Variants in DLGAP2 observed in about 807,000 individuals in gnomAD.
DLGAP2 encodes the protein DLG associated protein 2.
DLGAP2 carries 26 observed loss-of-function variants against 100.3 expected under a neutral mutation model. That is an observed-to-expected ratio of 0.26 (90% CI 0.19 to 0.36). DLGAP2 has a LOEUF of 0.36. Among genes scored for constraint, DLGAP2 ranks in the 10% least tolerant of loss-of-function variants. The pLI is 1.00. For synonymous variants in DLGAP2, 886 were observed against 630.1 expected (o/e 1.41, Z -6.08); for missense variants, 1,858 against 1,453.2 (o/e 1.28, Z -4.53).
chr8:1,575,432 C>A (rs1373841195), intron 6 of DLGAP2, among the ~76,000 whole-genome samples: 1 of 143,294 alleles, frequency 7.0e-6, no homozygotes, highest in Non-Finnish European at 1.5e-5. Context: ...AAGAACCACC[C>A]TCCGTGAGAC....
chr8:1,316,908 G>A (rs1194945027), intron 3 of DLGAP2, among the ~76,000 whole-genome samples: 2 of 120,004 alleles, frequency 1.7e-5, no homozygotes, highest in African/African-American at 7.1e-5. Flanking sequence ...GTGTGCGAGT[G>A]CAGCGTCTCT....
At chr8:1,661,555 AG>A (rs1798408711) in intron 8 of DLGAP2, among the ~76,000 whole-genome samples, 1 of 152,236 alleles carries the variant, frequency 6.6e-6, no homozygotes, top group African/African-American at 2.4e-5. Context: ...ATAGCAGGGA[AG>A]AAATGTAACC....
chr8:1,689,602 G>A (rs1563064763), intron 12 of DLGAP2, among the ~76,000 whole-genome samples: 1 of 152,152 alleles, frequency 6.6e-6, no homozygotes, highest in Non-Finnish European at 1.5e-5. Context: ...GTGTCGTGTA[G>A]GTTAGTGATT....
At chr8:946,459 T>G (rs113024592) in intron 2 of DLGAP2, among the ~76,000 whole-genome samples, 535 of 152,076 alleles carry the variant, frequency 3.5e-3, no homozygotes, top group Non-Finnish European at 5.8e-3. Flanking sequence ...GAGACGGGGT[T>G]TCACCATATT....
At chr8:1,490,543 G>A (rs910782391) in intron 3 of DLGAP2, among the ~76,000 whole-genome samples, 1 of 152,242 alleles carries the variant, frequency 6.6e-6, no homozygotes, top group Non-Finnish European at 1.5e-5. Flanking sequence ...CGTGTGGAAA[G>A]ACAGTGATTC....
At chr8:1,677,813 C>T (rs1449995645) in intron 11 of DLGAP2, among the ~76,000 whole-genome samples, 3 of 152,138 alleles carry the variant, frequency 2.0e-5, no homozygotes, top group Non-Finnish European at 4.4e-5. Context: ...ATTTGGAAGC[C>T]ACTACAACTC....
chr8:1,423,992 C>CA (rs1797173104), intron 3 of DLGAP2, among the ~76,000 whole-genome samples: 1 of 152,172 alleles, frequency 6.6e-6, no homozygotes, highest in Non-Finnish European at 1.5e-5. Context: ...ATGAATTCTG[C>CA]AAAAATAGCA....
At chr8:791,670 C>A (rs892052705) in intron 1 of DLGAP2, among the ~76,000 whole-genome samples, 2 of 152,186 alleles carry the variant, frequency 1.3e-5, no homozygotes, top group Non-Finnish European at 2.9e-5. Context: ...GATATATGCA[C>A]ATAAAGTTGA....
chr8:1,676,419 C>A, intron 10 of DLGAP2, 114 bp from the exon 11 acceptor site: 2 of 1,101,698 alleles, frequency 1.8e-6, no homozygotes, highest in Non-Finnish European at 2.7e-6. Flanking sequence ...TGCACCGCTG[C>A]ATTAATTAAA....
At chr8:1,430,137 G>C (rs573591391) in intron 3 of DLGAP2, among the ~76,000 whole-genome samples, 6 of 149,502 alleles carry the variant, frequency 4.0e-5, no homozygotes, top group Admixed American at 3.3e-4. Context: ...ATAATTTTAT[G>C]GCTCCTTAGG....
intron 2 of DLGAP2, among the ~76,000 whole-genome samples, chr8:1,021,331 T>C (rs1563148602): frequency 6.6e-6 from 1 of 152,184 alleles, no homozygotes. Context: ...GAGAGAACAA[T>C]TGAAATGACC....
At chr8:1,503,118 G>C (rs1382775563) in intron 4 of DLGAP2, among the ~76,000 whole-genome samples, 3 of 152,186 alleles carry the variant, frequency 2.0e-5, no homozygotes, top group Non-Finnish European at 1.5e-5. Context: ...GGGTGGCTTG[G>C]TGAAGGCTGG....
At chr8:1,541,453 T>G (rs1490725216) in intron 4 of DLGAP2, among the ~76,000 whole-genome samples, 1 of 152,210 alleles carries the variant, frequency 6.6e-6, no homozygotes, top group Non-Finnish European at 1.5e-5. Flanking sequence ...CCCAGAGGTA[T>G]GGTCTTACTG....
chr8:997,825 C>A (rs955103680), intron 2 of DLGAP2, among the ~76,000 whole-genome samples: 14 of 152,162 alleles, frequency 9.2e-5, no homozygotes, highest in Non-Finnish European at 1.8e-4. Context: ...TGCATACATA[C>A]AAACACGCAT....
At chr8:974,862 C>T (rs958758235) in intron 2 of DLGAP2, among the ~76,000 whole-genome samples, 1 of 151,778 alleles carries the variant, frequency 6.6e-6, no homozygotes, top group African/African-American at 2.4e-5. Context: ...AAATTAAATC[C>T]AAAATAAGCA....
Position 1,136,303 on chromosome 8 carries a change from A to AC in DLGAP2, c.74-122548_74-122547insC, listed in dbSNP as rs112500457. Among the ~76,000 whole-genome samples the AC allele has an allele frequency of 8.2e-4, 124 of 151,992 alleles. 1 individual carries two copies. Among genetic ancestry groups the AC allele is most frequent in the African/African-American group, 2.9e-3 (121 of 41,474 alleles). On this transcript the variant is annotated intron_variant, in intron 2 of 14. Coordinates refer to ENST00000637795, the MANE Select transcript of DLGAP2 (RefSeq NM_001346810.2). ...AGCGAATAGACTTCAAACCTCGTAAAAAAAAACTCCCCTCCCATCAGCCAT... is the reference window on the plus strand; with the variant it reads ...AGCGAATAGACTTCAAACCTCGTAAACAAAAAACTCCCCTCCCATCAGCCAT...
intron 2 of DLGAP2, among the ~76,000 whole-genome samples, chr8:1,188,478 TC>T (rs1797563633): frequency 7.4e-6 from 1 of 135,178 alleles, no homozygotes; most frequent in African/African-American, 3.5e-5. Context: ...GCCCGGGACT[TC>T]CGTGACGTTT....
chr8:899,677 G>C (rs1044798068), intron 1 of DLGAP2, among the ~76,000 whole-genome samples: 5 of 152,234 alleles, frequency 3.3e-5, no homozygotes, highest in African/African-American at 1.2e-4. Flanking sequence ...CTCATAGCTT[G>C]TAATGCCACA....
intron 2 of DLGAP2, among the ~76,000 whole-genome samples, chr8:1,151,547 C>A (rs1796697423): frequency 1.3e-5 from 2 of 152,184 alleles, no homozygotes; most frequent in South Asian, 4.1e-4. Context: ...CTTTCCGTCT[C>A]TGACGATTCC....
Sources: gnomAD v4.1 joint callset for allele counts (sites outside exome capture counted in the v4.1 genomes callset) on GRCh38, gnomAD v4.1.1 for gene constraint, MANE v1.5 for transcripts, NCBI Gene and HGNC (gene_info 2026-07-23, HGNC 2026-07-21) for gene names.